KLHL1: variants seen among roughly 807,000 people sequenced by gnomAD.
KLHL1 encodes the protein kelch like family member 1, also known as kelch-like protein 1.
Under a neutral mutation model 77.7 loss-of-function variants are expected in KLHL1, and 47 were observed. That is an observed-to-expected ratio of 0.60 (90% confidence interval 0.48 to 0.77). The LOEUF is 0.77. Among genes scored for constraint, KLHL1 ranks in the 30% least tolerant of loss-of-function variants. The pLI, the probability that KLHL1 is intolerant of heterozygous loss-of-function variation, is 0.00. For missense variants in KLHL1, 925 were observed against 910.8 expected, an observed-to-expected ratio of 1.02 and a Z score of -0.20; for synonymous variants, 360 against 325.2, an observed-to-expected ratio of 1.11 and a Z score of -1.15.
intron 5 of KLHL1, among the ~76,000 whole-genome samples, chr13:69,880,884 G>A (rs751470404): frequency 2.6e-5 from 4 of 152,108 alleles, no homozygotes; most frequent in Non-Finnish European, 5.9e-5. Flanking sequence ...CAGAGTCAAA[G>A]GTACCCACTG....
At chr13:69,956,886 T>G (rs1473329931) in intron 3 of KLHL1, among the ~76,000 whole-genome samples, 1 of 151,682 alleles carries the variant, frequency 6.6e-6, no homozygotes, top group African/African-American at 2.4e-5. Flanking sequence ...ATGCTTAGCA[T>G]AGAAAACGTT....
intron 9 of KLHL1, among the ~76,000 whole-genome samples, chr13:69,708,549 G>C (rs1179829568): frequency 2.0e-5 from 3 of 152,000 alleles, no homozygotes; most frequent in African/African-American, 2.4e-5. Flanking sequence ...AGGATTCACA[G>C]TGAGGGAAAG....
At chr13:69,754,030 G>A (rs1049020521) in intron 7 of KLHL1, among the ~76,000 whole-genome samples, 1 of 151,572 alleles carries the variant, frequency 6.6e-6, no homozygotes, top group African/African-American at 2.4e-5. Context: ...TAGTAGAGAT[G>A]GGGGTGTACC....
chr13:69,926,992 A>G (rs537016185), intron 4 of KLHL1, among the ~76,000 whole-genome samples: 1 of 147,222 alleles, frequency 6.8e-6, no homozygotes, highest in East Asian at 2.0e-4. Context: ...ACACTTCCCA[A>G]TTTCAAAATT....
chr13:70,063,233 T>C (rs1886932637), intron 1 of KLHL1, among the ~76,000 whole-genome samples: 3 of 152,164 alleles, frequency 2.0e-5, no homozygotes, highest in African/African-American at 7.2e-5. Flanking sequence ...GAGATACAAG[T>C]GTTTTCCATA....
At chr13:69,784,040 A>G (rs1370810837) in intron 7 of KLHL1, among the ~76,000 whole-genome samples, 3 of 152,192 alleles carry the variant, frequency 2.0e-5, no homozygotes, top group Non-Finnish European at 4.4e-5. Context: ...CAACATTCTT[A>G]AAGAAAAGAA....
intron 1 of KLHL1, among the ~76,000 whole-genome samples, chr13:70,105,468 A>G: frequency 6.6e-6 from 1 of 151,492 alleles, no homozygotes; most frequent in East Asian, 1.9e-4. Flanking sequence ...TATTTCTAGG[A>G]GCTTATTCAA....
intron 1 of KLHL1, among the ~76,000 whole-genome samples, chr13:70,020,197 G>A (rs1311540333): frequency 2.0e-5 from 3 of 152,078 alleles, no homozygotes; most frequent in Admixed American, 6.6e-5. Flanking sequence ...TCTATTTAAG[G>A]AAAACCAAAG....
intron 4 of KLHL1, among the ~76,000 whole-genome samples, chr13:69,911,808 T>C (rs964375049): frequency 2.3e-4 from 35 of 152,256 alleles, no homozygotes; most frequent in African/African-American, 7.7e-4. Flanking sequence ...ATCTCTTTCT[T>C]GGTCAATTCT....
intron 4 of KLHL1, among the ~76,000 whole-genome samples, chr13:69,938,418 G>A (rs1309164001): frequency 6.6e-6 from 1 of 152,006 alleles, no homozygotes; most frequent in Non-Finnish European, 1.5e-5. Flanking sequence ...TTCCTATGAA[G>A]CATACCTTTT....
At chr13:69,934,395 C>T (rs904552759) in intron 4 of KLHL1, among the ~76,000 whole-genome samples, 13 of 151,846 alleles carry the variant, frequency 8.6e-5, no homozygotes, top group South Asian at 4.2e-4. Flanking sequence ...TATACACAGA[C>T]GTATACATAC....
chr13:70,031,843 A>T (rs1441542), intron 1 of KLHL1, among the ~76,000 whole-genome samples: 46,873 of 152,050 alleles, frequency 0.31, 8,848 homozygotes, highest in South Asian at 0.45. Context: ...GGTTGTTCTG[A>T]CTCCATCTAG....
chr13:69,970,917 T>C (rs745431523), intron 2 of KLHL1, among the ~76,000 whole-genome samples: 4 of 152,138 alleles, frequency 2.6e-5, no homozygotes, highest in Non-Finnish European at 5.9e-5. Context: ...TCATCCTTTA[T>C]GTTCATATAG....
intron 7 of KLHL1, among the ~76,000 whole-genome samples, chr13:69,793,578 A>T: frequency 6.7e-6 from 1 of 150,010 alleles, no homozygotes; most frequent in Admixed American, 6.6e-5. Context: ...TTCAATTTTT[A>T]AAATTTTACT....
chr13:69,748,647 C>T (rs1874329654), intron 7 of KLHL1, among the ~76,000 whole-genome samples: 3 of 151,884 alleles, frequency 2.0e-5, no homozygotes, highest in South Asian at 4.1e-4. Flanking sequence ...GTTTTGTGTC[C>T]TAGTATCCTC....
At chr13:69,968,142 A>G (rs1489896006) in intron 2 of KLHL1, among the ~76,000 whole-genome samples, 1 of 151,848 alleles carries the variant, frequency 6.6e-6, no homozygotes, top group African/African-American at 2.4e-5. Context: ...ACCCTGATCA[A>G]TCAGAAGCCA....
chr13:69,983,576 C>CAAAAAAAAAAAAAAAAAAAAAAAAAAAA (rs1282357751), intron 1 of KLHL1, among the ~76,000 whole-genome samples: 1 of 40,786 alleles, frequency 2.5e-5, no homozygotes, highest in African/African-American at 1.1e-4. Flanking sequence ...CCTATCTTTA[C>CAAAAAAAAAAAAAAAAAAAAAAAAAAAA]AAAAAAAAAA....
At chr13:70,050,397 G>A (rs530403341) in intron 1 of KLHL1, among the ~76,000 whole-genome samples, 9 of 151,128 alleles carry the variant, frequency 6.0e-5, no homozygotes, top group Non-Finnish European at 1.3e-4. Context: ...TTAAAATTAA[G>A]TTTGAATTTC....
intron 1 of KLHL1, among the ~76,000 whole-genome samples, chr13:70,075,628 GTA>G (rs1272715893): frequency 1.7e-5 from 1 of 59,662 alleles, no homozygotes; most frequent in African/African-American, 5.8e-5. Context: ...ATATATATAT[GTA>G]TATATATATA....
Sources: allele counts gnomAD v4.1 joint callset (sites outside exome capture counted in the v4.1 genomes callset), GRCh38; gene constraint gnomAD v4.1.1; transcripts MANE v1.5; gene names NCBI Gene and HGNC (gene_info 2026-07-23, HGNC 2026-07-21).